ENTREP2: variants seen among roughly 807,000 people sequenced by gnomAD.
The protein encoded by ENTREP2 is protein ENTREP2.
chr15:29,136,246 G>A, the ENTREP2 span: 2 of 1,116,250 alleles, frequency 1.8e-6, no homozygotes, highest in African/African-American at 1.6e-5. Flanking sequence ...GCGCTCATGA[G>A]TGTTCACCTC....
At chr15:29,560,061 A>G in the ENTREP2 span, among the ~76,000 whole-genome samples, 1 of 152,222 alleles carries the variant, frequency 6.6e-6, no homozygotes, top group Non-Finnish European at 1.5e-5. Flanking sequence ...TGAGAGGACA[A>G]GAGCAGAAGT....
the ENTREP2 span, among the ~76,000 whole-genome samples, chr15:29,571,754 G>T: frequency 6.6e-6 from 1 of 152,252 alleles, no homozygotes; most frequent in East Asian, 1.9e-4. Flanking sequence ...GGCTCCCTTG[G>T]AATACCGGGA....
the ENTREP2 span, chr15:29,196,312 A>T: frequency 8.9e-7 from 1 of 1,129,150 alleles, no homozygotes; most frequent in Non-Finnish European, 1.3e-6. Flanking sequence ...TCCCTCTTGC[A>T]CTGAACCTAC....
the ENTREP2 span, among the ~76,000 whole-genome samples, chr15:29,514,344 TA>T: frequency 1.3e-5 from 2 of 152,206 alleles, no homozygotes; most frequent in Non-Finnish European, 2.9e-5. Flanking sequence ...TCACTTAGCA[TA>T]ATGTCCTCAA....
At chr15:29,127,193 C>T in the ENTREP2 span, among the ~76,000 whole-genome samples, 3 of 152,148 alleles carry the variant, frequency 2.0e-5, no homozygotes, top group African/African-American at 2.4e-5. Context: ...TTGCCGGGAA[C>T]CACTCTACGG....
At chr15:29,304,321 A>C in the ENTREP2 span, among the ~76,000 whole-genome samples, 1 of 152,132 alleles carries the variant, frequency 6.6e-6, no homozygotes, top group Non-Finnish European at 1.5e-5. Flanking sequence ...CTCTCCACCC[A>C]AAATTAAGAG....
the ENTREP2 span, among the ~76,000 whole-genome samples, chr15:29,354,712 C>A: frequency 6.6e-6 from 1 of 151,934 alleles, no homozygotes; most frequent in African/African-American, 2.4e-5. Context: ...TAGCTAGCGA[C>A]CAGAAGGAAA....
At chr15:29,609,986 G>A in the ENTREP2 span, 1 of 150,574 alleles carries the variant, frequency 6.6e-6, no homozygotes, top group South Asian at 2.1e-4. Flanking sequence ...GGCTCCTTGA[G>A]CAGAAGAAAG....
the ENTREP2 span, among the ~76,000 whole-genome samples, chr15:29,429,496 C>T: frequency 6.6e-5 from 10 of 152,206 alleles, no homozygotes; most frequent in Admixed American, 3.3e-4. Context: ...GCTAGGATCA[C>T]GGGCATAAGC....
At chr15:29,549,492 A>G in the ENTREP2 span, among the ~76,000 whole-genome samples, 1 of 151,964 alleles carries the variant, frequency 6.6e-6, no homozygotes. Flanking sequence ...GGATGGTCTC[A>G]ATCTCCTGAC....
At chr15:29,387,683 CA>C in the ENTREP2 span, among the ~76,000 whole-genome samples, 14 of 152,278 alleles carry the variant, frequency 9.2e-5, no homozygotes, top group East Asian at 1.5e-3. Context: ...GCCAAAAGAA[CA>C]AAGCTGGAGG....
the ENTREP2 span, among the ~76,000 whole-genome samples, chr15:29,631,988 A>C: frequency 6.6e-5 from 10 of 152,192 alleles, no homozygotes; most frequent in African/African-American, 2.4e-4. Context: ...GTGTGCACTT[A>C]GCTGGAGGTA....
At chr15:29,254,800 T>C in the ENTREP2 span, among the ~76,000 whole-genome samples, 1 of 152,138 alleles carries the variant, frequency 6.6e-6, no homozygotes, top group Non-Finnish European at 1.5e-5. Context: ...GAGGTTGCAG[T>C]GAGCCGAGAT....
the ENTREP2 span, among the ~76,000 whole-genome samples, chr15:29,627,060 T>C: frequency 6.6e-6 from 1 of 152,164 alleles, no homozygotes; most frequent in African/African-American, 2.4e-5. Context: ...ATTTTTGACC[T>C]TAGGATCTTT....
At chr15:29,143,748 A>G in the ENTREP2 span, among the ~76,000 whole-genome samples, 2 of 152,230 alleles carry the variant, frequency 1.3e-5, no homozygotes, top group Non-Finnish European at 2.9e-5. Context: ...ACAAATAAAC[A>G]CCAGAAATGA....
chr15:29,196,450 C>A, the ENTREP2 span: 1 of 1,551,678 alleles, frequency 6.4e-7, no homozygotes, highest in African/African-American at 1.4e-5. Flanking sequence ...AGCCTCACAG[C>A]GTTGCAGTTC....
At chr15:29,234,783 C>T in the ENTREP2 span, 1 of 1,486,770 alleles carries the variant, frequency 6.7e-7, no homozygotes, top group South Asian at 1.1e-5. Flanking sequence ...TAAAATATTA[C>T]TCCATCTCCA....
At chr15:29,570,740 A>G in the ENTREP2 span, 1 of 959,114 alleles carries the variant, frequency 1.0e-6, no homozygotes, top group Non-Finnish European at 1.2e-6. Flanking sequence ...GGGCGCCCGC[A>G]CGCCTCGCCC....
chr15:29,284,631 T>C, the ENTREP2 span, among the ~76,000 whole-genome samples: 4 of 150,220 alleles, frequency 2.7e-5, no homozygotes, highest in East Asian at 2.0e-4. Flanking sequence ...TGGAAAGTAA[T>C]AGATCATGGG....
Sources: gnomAD v4.1 joint callset for allele counts (sites outside exome capture counted in the v4.1 genomes callset) on GRCh38, gnomAD v4.1.1 for gene constraint, MANE v1.5 for transcripts, NCBI Gene and HGNC (gene_info 2026-07-23, HGNC 2026-07-21) for gene names.